PIGU: variants seen among roughly 807,000 people sequenced by gnomAD.
The protein encoded by PIGU is GPI-anchor transamidase component PIGU.
PIGU carries 24 observed loss-of-function variants against 49.9 expected under a neutral mutation model. That is an observed-to-expected ratio of 0.48 (90% CI 0.35 to 0.68). The LOEUF is 0.68. PIGU is among the 30% of genes least tolerant of loss of function. The probability of loss-of-function intolerance (pLI) is 0.01; values close to 1 mark genes in which losing one functional copy is unlikely to be tolerated. For synonymous variants in PIGU, 220 were observed against 205.7 expected (o/e 1.07, Z -0.59); for missense variants, 490 against 532.6 (o/e 0.92, Z 0.79).
intron 2 of PIGU, among the ~76,000 whole-genome samples, chr20:34,647,089 G>A (rs1426872903): frequency 2.0e-5 from 3 of 152,010 alleles, no homozygotes; most frequent in East Asian, 1.9e-4. Flanking sequence ...CGCAACCTCC[G>A]CCTCCCGGGT....
At chr20:34,642,844 A>G (rs1292891063) in intron 4 of PIGU, among the ~76,000 whole-genome samples, 1 of 141,272 alleles carries the variant, frequency 7.1e-6, no homozygotes, top group Admixed American at 7.8e-5. Flanking sequence ...TCCAATCTCC[A>G]CCACCTGGGT....
chr20:34,619,328 A>G (rs1269521282), intron 6 of PIGU, among the ~76,000 whole-genome samples: 2 of 152,190 alleles, frequency 1.3e-5, no homozygotes, highest in African/African-American at 2.4e-5. Context: ...TCACTCTGGG[A>G]TAGGGCAGTG....
chr20:34,671,441 T>C (rs1226744801), intron 1 of PIGU, among the ~76,000 whole-genome samples: 2 of 151,950 alleles, frequency 1.3e-5, no homozygotes, highest in African/African-American at 4.8e-5. Flanking sequence ...TTGTATTTTT[T>C]TAGTAGAGAC....
intron 1 of PIGU, among the ~76,000 whole-genome samples, chr20:34,657,973 C>T (rs1226446275): frequency 2.0e-5 from 3 of 147,724 alleles, no homozygotes; most frequent in African/African-American, 8.0e-5. Context: ...TCTCTCTCCA[C>T]GGTCTCCCTC....
At chr20:34,613,125 C>T (rs963515949) in intron 7 of PIGU, among the ~76,000 whole-genome samples, 2 of 152,146 alleles carry the variant, frequency 1.3e-5, no homozygotes, top group African/African-American at 4.8e-5. Flanking sequence ...TAGAATTCCC[C>T]TGCATCTAGT....
intron 8 of PIGU, among the ~76,000 whole-genome samples, chr20:34,586,574 T>C (rs997440175): frequency 5.9e-5 from 9 of 152,142 alleles, no homozygotes; most frequent in Admixed American, 3.9e-4. Context: ...CTTCCACACA[T>C]GCACAGGTTT....
intron 4 of PIGU, among the ~76,000 whole-genome samples, chr20:34,643,093 G>A (rs1239128599): frequency 6.6e-6 from 1 of 151,922 alleles, no homozygotes; most frequent in Non-Finnish European, 1.5e-5. Context: ...AGCCCCTAAA[G>A]TTTTCAAGAT....
At chr20:34,676,882 C>G in intron 1 of PIGU, 74 bp downstream of exon 1, 1 of 1,541,784 alleles carries the variant, frequency 6.5e-7, no homozygotes, top group Non-Finnish European at 8.8e-7. Context: ...GCGGTCACTG[C>G]CCCCGCCTCC....
chr20:34,593,723 A>G (rs1984085731), intron 7 of PIGU, among the ~76,000 whole-genome samples: 1 of 152,266 alleles, frequency 6.6e-6, no homozygotes. Flanking sequence ...AACTCCAAAT[A>G]GCTTAGGGAT....
At chr20:34,602,249 T>C (rs1398919112) in intron 7 of PIGU, among the ~76,000 whole-genome samples, 6 of 151,582 alleles carry the variant, frequency 4.0e-5, no homozygotes, top group African/African-American at 1.5e-4. Flanking sequence ...GCCAGTGCAC[T>C]CCAGCCTGGG....
At chr20:34,566,856 C>A (rs758011411) in intron 11 of PIGU, among the ~76,000 whole-genome samples, 2 of 152,190 alleles carry the variant, frequency 1.3e-5, no homozygotes, top group Non-Finnish European at 2.9e-5. Flanking sequence ...TACCTTTACA[C>A]CCTGCGGAGT....
chr20:34,636,199 T>C (rs760070692), intron 5 of PIGU, among the ~76,000 whole-genome samples: 6 of 150,810 alleles, frequency 4.0e-5, no homozygotes, highest in African/African-American at 7.3e-5. Context: ...AGACTCCATC[T>C]CAAAAAAACA....
chr20:34,637,339 T>C (rs1373686663), intron 5 of PIGU, among the ~76,000 whole-genome samples: 2 of 152,222 alleles, frequency 1.3e-5, no homozygotes, highest in Non-Finnish European at 2.9e-5. Flanking sequence ...TAAATGGGAA[T>C]AACCCAAAAG....
chr20:34,613,252 C>A (rs1160299146), intron 7 of PIGU, among the ~76,000 whole-genome samples: 2 of 152,154 alleles, frequency 1.3e-5, no homozygotes, highest in Non-Finnish European at 2.9e-5. Context: ...CCCATCTACC[C>A]GACAAGCTGC....
At chr20:34,644,063 A>C in intron 4 of PIGU, 101 bp downstream of exon 4, 1 of 1,106,070 alleles carries the variant, frequency 9.0e-7, no homozygotes. Context: ...ACTTCCTAGC[A>C]CTTTAAAGCA....
chr20:34,630,413 C>CA (rs1385930323), intron 6 of PIGU, among the ~76,000 whole-genome samples: 2 of 152,210 alleles, frequency 1.3e-5, no homozygotes, highest in East Asian at 3.9e-4. Flanking sequence ...CTCCACCCCA[C>CA]AAAAAAACCC....
intron 11 of PIGU, chr20:34,562,405 C>T (rs576296127): frequency 7.8e-7 from 1 of 1,283,358 alleles, no homozygotes; most frequent in East Asian, 5.6e-5. Context: ...TCTAGACCTC[C>T]AGACCCTGTC....
At chr20:34,640,716 C>T (rs1402502051) in intron 4 of PIGU, among the ~76,000 whole-genome samples, 1 of 152,072 alleles carries the variant, frequency 6.6e-6, no homozygotes, top group Non-Finnish European at 1.5e-5. Context: ...CACTAATCAG[C>T]TTGTAGACAG....
intron 6 of PIGU, among the ~76,000 whole-genome samples, chr20:34,622,864 T>C (rs138392761): frequency 1.8e-3 from 277 of 152,320 alleles, no homozygotes; most frequent in African/African-American, 6.3e-3. Context: ...CAGTCAAATG[T>C]GTATGTACAT....
Sources: gnomAD v4.1 joint callset for allele counts (sites outside exome capture counted in the v4.1 genomes callset) on GRCh38, gnomAD v4.1.1 for gene constraint, MANE v1.5 for transcripts, NCBI Gene and HGNC (gene_info 2026-07-23, HGNC 2026-07-21) for gene names.